Variants in SLC35F3 observed in about 807,000 individuals in gnomAD.
SLC35F3 encodes putative thiamine transporter SLC35F3.
In SLC35F3, 25 loss-of-function variants were observed where a neutral mutation model predicts 49.9. The ratio of observed to expected loss-of-function variants is 0.50; its 90% confidence interval spans 0.37 to 0.70. SLC35F3 has a LOEUF of 0.70. SLC35F3 is among the 30% of genes least tolerant of loss of function. The pLI is 0.00. For missense variants in SLC35F3, 525 were observed against 639.8 expected (o/e 0.82, Z 1.94); for synonymous variants, 275 against 265.4 (o/e 1.04, Z -0.35).
At chr1:233,949,614 G>A (rs983328689) in intron 2 of SLC35F3, among the ~76,000 whole-genome samples, 4 of 152,194 alleles carry the variant, frequency 2.6e-5, no homozygotes, top group African/African-American at 9.6e-5. Context: ...TGTTTACAGA[G>A]CACTTGAGAA....
At chr1:234,086,088 G>A (rs1664956074) in intron 2 of SLC35F3, among the ~76,000 whole-genome samples, 1 of 152,258 alleles carries the variant, frequency 6.6e-6, no homozygotes, top group African/African-American at 2.4e-5. Context: ...CTAACACAGT[G>A]CCTGATAAAA....
intron 2 of SLC35F3, among the ~76,000 whole-genome samples, chr1:233,989,270 T>G (rs1422219322): frequency 6.6e-6 from 1 of 152,212 alleles, no homozygotes; most frequent in Non-Finnish European, 1.5e-5. Context: ...AATACTAAAA[T>G]AATGCAATAT....
intron 2 of SLC35F3, among the ~76,000 whole-genome samples, chr1:234,219,624 G>A (rs892228037): frequency 6.6e-6 from 1 of 152,188 alleles, no homozygotes; most frequent in African/African-American, 2.4e-5. Flanking sequence ...TTTCAGCTGA[G>A]GGTGAACTCA....
intron 2 of SLC35F3, among the ~76,000 whole-genome samples, chr1:234,134,304 G>T (rs1665777609): frequency 6.7e-6 from 1 of 148,188 alleles, no homozygotes; most frequent in Admixed American, 6.7e-5. Context: ...ATAATTATAT[G>T]CAATTATATA....
chr1:234,157,113 T>C (rs942220177), intron 2 of SLC35F3, among the ~76,000 whole-genome samples: 7 of 152,212 alleles, frequency 4.6e-5, no homozygotes, highest in Non-Finnish European at 8.8e-5. Flanking sequence ...AATTGTATAG[T>C]ATGTATCTTA....
At chr1:234,287,720 GC>G (rs1448239700) in intron 3 of SLC35F3, among the ~76,000 whole-genome samples, 1 of 152,158 alleles carries the variant, frequency 6.6e-6, no homozygotes, top group Non-Finnish European at 1.5e-5. Flanking sequence ...TGGCTCTAGG[GC>G]CCATCAATGA....
At chr1:234,111,353 G>A (rs555051162) in intron 2 of SLC35F3, among the ~76,000 whole-genome samples, 3 of 152,078 alleles carry the variant, frequency 2.0e-5, no homozygotes, top group Non-Finnish European at 2.9e-5. Context: ...GTGTAATGGC[G>A]CAATCTCAGC....
intron 3 of SLC35F3, among the ~76,000 whole-genome samples, chr1:234,303,999 A>ATCCTTCCTTCCTTCCTTCCT (rs745697175): frequency 8.0e-6 from 1 of 125,322 alleles, no homozygotes; most frequent in Non-Finnish European, 1.7e-5. Flanking sequence ...TCCTAATTTT[A>ATCCTTCCTTCCTTCCTTCCT]TCCTTCCTTC....
At chr1:234,310,504 G>A (rs1245624315) in intron 4 of SLC35F3, among the ~76,000 whole-genome samples, 2 of 152,176 alleles carry the variant, frequency 1.3e-5, no homozygotes, top group Non-Finnish European at 2.9e-5. Context: ...CACTCTCTGT[G>A]CCACCAGAAA....
chr1:233,921,081 A>G (rs1180492888), intron 2 of SLC35F3, among the ~76,000 whole-genome samples: 5 of 152,384 alleles, frequency 3.3e-5, no homozygotes, highest in African/African-American at 4.8e-5. Context: ...ACATAGCAAT[A>G]TATCACTATT....
intron 2 of SLC35F3, among the ~76,000 whole-genome samples, chr1:234,163,759 TTC>T (rs1012862564): frequency 6.6e-6 from 1 of 152,186 alleles, no homozygotes; most frequent in Non-Finnish European, 1.5e-5. Context: ...GCAAAGCTCT[TTC>T]TCTCTCTCCA....
chr1:234,305,687 A>G (rs775327125), intron 3 of SLC35F3, among the ~76,000 whole-genome samples: 4 of 152,058 alleles, frequency 2.6e-5, no homozygotes, highest in Non-Finnish European at 4.4e-5. Flanking sequence ...CCAGCCTAGT[A>G]TTGCTTATTT....
At chr1:233,934,528 A>G (rs1490505860) in intron 2 of SLC35F3, among the ~76,000 whole-genome samples, 9 of 152,246 alleles carry the variant, frequency 5.9e-5, no homozygotes, top group Admixed American at 5.9e-4. Flanking sequence ...AAAAAAATCA[A>G]TTATTACAGA....
chr1:234,274,991 A>C (rs537738328), intron 3 of SLC35F3, among the ~76,000 whole-genome samples: 1 of 152,160 alleles, frequency 6.6e-6, no homozygotes, highest in South Asian at 2.1e-4. Context: ...ACCCACTCCT[A>C]TTCTATTCCA....
chr1:234,303,999 A>ATCCTTCCTTCCTTCCC (rs1668732044), intron 3 of SLC35F3, among the ~76,000 whole-genome samples: 1 of 125,322 alleles, frequency 8.0e-6, no homozygotes, highest in South Asian at 2.8e-4. Context: ...TCCTAATTTT[A>ATCCTTCCTTCCTTCCC]TCCTTCCTTC....
chr1:234,196,517 G>T (rs1188954973), intron 2 of SLC35F3, among the ~76,000 whole-genome samples: 2 of 152,220 alleles, frequency 1.3e-5, no homozygotes, highest in African/African-American at 2.4e-5. Flanking sequence ...CAATCTGGGG[G>T]TTTGCCTGCC....
chr1:233,984,481 C>G (rs939766939), intron 2 of SLC35F3, among the ~76,000 whole-genome samples: 4 of 152,168 alleles, frequency 2.6e-5, no homozygotes, highest in African/African-American at 9.7e-5. Context: ...AAAGCAGAAG[C>G]CACGGGCAAA....
intron 2 of SLC35F3, among the ~76,000 whole-genome samples, chr1:234,151,522 A>G (rs1666075463): frequency 6.6e-6 from 1 of 151,930 alleles, no homozygotes; most frequent in Admixed American, 6.5e-5. Context: ...AGAAAATTAT[A>G]TAAGATGTGA....
chr1:234,103,228 T>C (rs1235785759), intron 2 of SLC35F3, among the ~76,000 whole-genome samples: 1 of 152,186 alleles, frequency 6.6e-6, no homozygotes, highest in Non-Finnish European at 1.5e-5. Flanking sequence ...CTAACAAATT[T>C]TCCTTGATTG....
Sources: allele counts gnomAD v4.1 joint callset (sites outside exome capture counted in the v4.1 genomes callset), GRCh38; gene constraint gnomAD v4.1.1; transcripts MANE v1.5; gene names NCBI Gene and HGNC (gene_info 2026-07-23, HGNC 2026-07-21).